Variants in ABCB5 observed in about 807,000 individuals in gnomAD.
ABCB5 encodes ATP binding cassette subfamily B member 5.
A neutral mutation model predicts 144.2 loss-of-function variants in ABCB5; 155 were observed. The observed-to-expected ratio is 1.08, with a 90% CI of 0.94 to 1.23. ABCB5 has a LOEUF of 1.23. ABCB5 is among the 50% of genes most tolerant of loss of function. The probability of loss-of-function intolerance (pLI) is 0.00; values close to 1 mark genes in which losing one functional copy is unlikely to be tolerated. For missense variants in ABCB5, 1,830 were observed against 1,520.8 expected, an observed-to-expected ratio of 1.20 and a Z score of -3.38; for synonymous variants, 610 against 528.6, an observed-to-expected ratio of 1.15 and a Z score of -2.11.
intron 14 of ABCB5, chr7:20,659,774 A>G (rs879358780): frequency 3.0e-6 from 3 of 984,816 alleles, no homozygotes; most frequent in Non-Finnish European, 3.6e-6. Flanking sequence ...ACCTCTGCCC[A>G]CTGTGTTCAA....
intron 9 of ABCB5, among the ~76,000 whole-genome samples, chr7:20,646,423 T>C (rs1784412284): frequency 6.6e-6 from 1 of 152,224 alleles, no homozygotes; most frequent in Non-Finnish European, 1.5e-5. Context: ...GTTTTGTTAA[T>C]CTAGCAGTGA....
chr7:20,687,258 A>G (rs539964362), intron 16 of ABCB5, among the ~76,000 whole-genome samples: 2 of 152,334 alleles, frequency 1.3e-5, no homozygotes, highest in Non-Finnish European at 2.9e-5. Context: ...AATTCACCGT[A>G]TTTATGAAGT....
intron 12 of ABCB5, among the ~76,000 whole-genome samples, chr7:20,650,544 A>G (rs1422638317): frequency 6.6e-6 from 1 of 151,420 alleles, no homozygotes; most frequent in Non-Finnish European, 1.5e-5. Flanking sequence ...AGAATGATGT[A>G]GAAAACATCT....
At chr7:20,725,360 C>A (rs1782001938) in intron 21 of ABCB5, among the ~76,000 whole-genome samples, 2 of 152,210 alleles carry the variant, frequency 1.3e-5, no homozygotes, top group South Asian at 4.1e-4. Context: ...GCAGGTGGAT[C>A]ACAAGGTCAG....
At chr7:20,653,699 A>G (rs1010229337) in intron 13 of ABCB5, among the ~76,000 whole-genome samples, 1 of 152,216 alleles carries the variant, frequency 6.6e-6, no homozygotes, top group Non-Finnish European at 1.5e-5. Flanking sequence ...AAAGGTGATA[A>G]GAAATCACCT....
At position 20,723,128 on chromosome 7, in the gene ABCB5, C is replaced by A. The variant is rs745683267; in HGVS notation, c.2534C>A (p.Ala845Asp). Residue 845 changes from alanine (A) to aspartate (D), a missense_variant, in exon 21 of 28, where the codon GCT becomes GAT. Physicochemically the swap from Ala to Asp is moderately radical, Grantham distance 126. Coordinates refer to ENST00000404938, the MANE Select transcript of ABCB5 (RefSeq NM_001163941.2). ...ATGACATTCCTGATTCTGAGTATTG[C>A]TCCAGTACTTGCCGTGACAGGAATG... is the stretch of plus-strand genomic sequence containing the variant. ...WEMTFLILSI[A>D]PVLAVTGMIE... The A allele has an allele frequency of 6.2e-7, 1 of 1,614,110 alleles. No individual in the cohort carries two copies. Among genetic ancestry groups the A allele is most frequent in the Non-Finnish European group, 8.5e-7 (1 of 1,180,012 alleles).
In ABCB5 at chr7:20,715,915, T is replaced by A. The variant is rs1253283514; in HGVS notation, c.2422-7101T>A. 5.3e-5 allele frequency among the ~76,000 whole-genome samples: 8 copies of A among 151,946 alleles called. 1 individual carries two copies. Among genetic ancestry groups the A allele is most frequent in the African/African-American group, 1.9e-4 (8 of 41,352 alleles). On this transcript the variant is annotated intron_variant, in intron 20 of 27. Coordinates refer to ENST00000404938, the MANE Select transcript of ABCB5 (RefSeq NM_001163941.2). ...TTGTATTTTTAGTAGAGACGGGCTT[T>A]CACCACGTTGGTCAGGCTGGTATCG... is the stretch of plus-strand genomic sequence containing the variant.
intron 25 of ABCB5, among the ~76,000 whole-genome samples, chr7:20,743,344 G>C (rs755557213): frequency 6.6e-6 from 1 of 152,122 alleles, no homozygotes; most frequent in Non-Finnish European, 1.5e-5. Context: ...AATTACTTTA[G>C]AACATGGGTG....
intron 16 of ABCB5, 35 bp downstream of exon 16, chr7:20,685,871 T>C (rs13237021): frequency 1.9e-6 from 3 of 1,554,206 alleles, no homozygotes; most frequent in Non-Finnish European, 2.6e-6. Context: ...TTTTCCTGCA[T>C]GTTTTCTAAT....
At chr7:20,673,528 G>C (rs1785515368) in intron 14 of ABCB5, among the ~76,000 whole-genome samples, 1 of 151,894 alleles carries the variant, frequency 6.6e-6, no homozygotes, top group Non-Finnish European at 1.5e-5. Flanking sequence ...TATTTACTTT[G>C]GTTATATCCT....
chr7:20,705,961 C>T (rs770436575), intron 20 of ABCB5, among the ~76,000 whole-genome samples: 10 of 152,108 alleles, frequency 6.6e-5, no homozygotes, highest in Non-Finnish European at 1.5e-4. Context: ...GGAGAAAGAG[C>T]TCGAGAGGAA....
In ABCB5 at chr7:20,743,185, T is replaced by A. The variant is rs1782616661; in HGVS notation, c.3222+111T>A. The stretch of plus-strand genomic sequence containing the variant: ...TTGGGTGGGGCAAACAATGCAGAAG[T>A]TAAAAAGAAAAAAAATCTCTGTGTC... On this transcript the variant is annotated intron_variant, in intron 25 of 27. Transcript: ENST00000404938. The A allele has an allele frequency of 1.1e-5, 13 of 1,167,922 alleles. No individual in the cohort carries two copies. In the Admixed American group the frequency reaches 1.8e-4, roughly 16 times the overall value. 72.3% of individuals were successfully genotyped at this position (1,167,922 alleles called of 1,614,324 possible). A position where few individuals can be genotyped will look rare whatever the true frequency, so the allele number is the denominator to read the frequency against.
intron 25 of ABCB5, among the ~76,000 whole-genome samples, chr7:20,744,717 C>T (rs551437209): frequency 6.6e-6 from 1 of 151,812 alleles, no homozygotes; most frequent in East Asian, 1.9e-4. Flanking sequence ...ACATATGTAA[C>T]AAACCTGTAC....
At chr7:20,731,369 A>AAAAAAAAAATATATATATAT (rs57305244) in intron 23 of ABCB5, among the ~76,000 whole-genome samples, 20 of 123,070 alleles carry the variant, frequency 1.6e-4, no homozygotes, top group African/African-American at 5.9e-4. Flanking sequence ...AAAAAAAAAA[A>AAAAAAAAAATATATATATAT]ATATATATAT....
At position 20,711,848 on chromosome 7, in the gene ABCB5, T is replaced by TTTCTTTC. The variant is rs1562573823; in HGVS notation, c.2421+7041_2421+7042insTTCTTTC. On this transcript the variant is annotated intron_variant, in intron 20 of 27. Transcript: ENST00000404938. ...TCTTTCTTTCTTTCTTTCTTTCTTT[T>TTTCTTTC]CTTTCTTTCTTTCCTTCCTCCCTCC... 3.2e-5 allele frequency among the ~76,000 whole-genome samples: 2 copies of TTTCTTTC among 62,306 alleles called. 1 individual carries two copies. The highest frequency in any genetic ancestry group is 5.9e-5 in the Non-Finnish European group (2 of 33,996). 40.9% of individuals were successfully genotyped at this position (62,306 alleles called of 152,430 possible).
At chr7:20,625,717 C>T (rs1783894161) in intron 2 of ABCB5, among the ~76,000 whole-genome samples, 1 of 152,116 alleles carries the variant, frequency 6.6e-6, no homozygotes, top group African/African-American at 2.4e-5. Context: ...TAAAATGGTG[C>T]AGTTGCTATG....
In ABCB5 at chr7:20,732,126, T is replaced by A. The variant is rs564281320; in HGVS notation, c.2867+3671T>A. ...CTCTATCTCCCATGTTAACTACTCA[T>A]CAGCCCCACACTTGCCATGTCTGTC... is the stretch of plus-strand genomic sequence containing the variant. On this transcript the variant is annotated intron_variant, in intron 23 of 27. Coordinates refer to ENST00000404938, the MANE Select transcript of ABCB5 (RefSeq NM_001163941.2). Among the ~76,000 whole-genome samples the A allele has an allele frequency of 2.6e-5, 4 of 152,296 alleles. No individual in the cohort carries two copies. The East Asian group carries it at 7.7e-4, about 29-fold the overall frequency.
Position 20,651,487 on chromosome 7 carries a change from T to C in ABCB5, c.1400T>C (p.Val467Ala). The C allele has an allele frequency of 1.2e-6, 2 of 1,614,108 alleles. No individual in the cohort carries two copies. Among genetic ancestry groups the C allele is most frequent in the East Asian group, 2.2e-5 (1 of 44,884 alleles). Reference sequence around the variant, plus strand: ...CATTATCGAGACCATATTGGAGTGGTTAGTCAAGAGCCTGTTTTGTTCGGG... The same window carrying C: ...CATTATCGAGACCATATTGGAGTGGCTAGTCAAGAGCCTGTTTTGTTCGGG... Reference protein sequence around the residue: ...VRHYRDHIGVVSQEPVLFGTT... With the variant: ...VRHYRDHIGVASQEPVLFGTT... The change falls in exon 13 of 28, where the codon GTT (valine) becomes GCT (alanine). Residue 467 changes from valine (V) to alanine (A), a missense_variant. Coordinates refer to ENST00000404938, the MANE Select transcript of ABCB5 (RefSeq NM_001163941.2).
intron 20 of ABCB5, 75 bp downstream of exon 20, chr7:20,704,882 C>A: frequency 8.1e-7 from 1 of 1,240,576 alleles, no homozygotes. Context: ...TGTGTCTGTG[C>A]ATATATGTGA....
Sources: allele counts gnomAD v4.1 joint callset (sites outside exome capture counted in the v4.1 genomes callset), GRCh38; gene constraint gnomAD v4.1.1; transcripts MANE v1.5; gene names NCBI Gene and HGNC (gene_info 2026-07-23, HGNC 2026-07-21).